TBX1: variants seen among roughly 807,000 people sequenced by gnomAD.
TBX1 encodes the protein T-box transcription factor 1, also known as T-box transcription factor TBX1.
A neutral mutation model predicts 40.8 loss-of-function variants in TBX1; 16 were observed. That is an observed-to-expected ratio of 0.39 (90% CI 0.27 to 0.60). The LOEUF (loss-of-function observed/expected upper bound fraction) is 0.60, where lower values mean the gene tolerates loss of function less well. Ranked by LOEUF, TBX1 falls within the 20% of genes least tolerant of loss-of-function variation. TBX1 has a pLI of 0.51. For synonymous variants in TBX1, 403 were observed against 336.8 expected, an observed-to-expected ratio of 1.20 and a Z score of -2.15; for missense variants, 755 against 728.5, an observed-to-expected ratio of 1.04 and a Z score of -0.42.
intron 8 of TBX1, among the ~76,000 whole-genome samples, chr22:19,772,831 C>G (rs1327423924): frequency 6.6e-6 from 1 of 152,230 alleles, no homozygotes; most frequent in African/African-American, 2.4e-5. Flanking sequence ...AGTACGTCTT[C>G]CCAGGGCAGG....
rs143602782 is a variant in TBX1 at position 19,761,166 on chromosome 22, C to A, written c.323C>A (p.Ala108Glu). The A allele has an allele frequency of 2.6e-6, 4 of 1,520,956 alleles. No individual in the cohort carries two copies. Among genetic ancestry groups the A allele is most frequent in the Non-Finnish European group, 3.5e-6 (4 of 1,130,628 alleles). The allele number at this position is 1,520,956 out of a possible 1,614,324, so 94.2% of individuals were successfully genotyped here. A position where few individuals can be genotyped will look rare whatever the true frequency, so the allele number is the denominator to read the frequency against. The change falls in exon 1 of 7, where the codon GCG becomes GAG. Residue 108 changes from alanine (A) to glutamate (E), a missense_variant. Physicochemically the swap from Ala to Glu is moderately radical, Grantham distance 107. Around this residue, in one of 3 missense-constraint regions of TBX1, gnomAD observed 199 missense variants for 173.0 expected, o/e 1.15. Coordinates refer to ENST00000649276, the MANE Select transcript of TBX1 (RefSeq NM_001379200.1). Reference sequence around the variant, plus strand: ...GCCAGCTGCGCGGCCGCAGCCAAGGCGCCGGTGAAGAAGAACGCGAAGGTG... The same window carrying A: ...GCCAGCTGCGCGGCCGCAGCCAAGGAGCCGGTGAAGAAGAACGCGAAGGTG... ...PGASCAAAAKAPVKKNAKVAG... is the reference protein window; with the variant it reads ...PGASCAAAAKEPVKKNAKVAG...
In TBX1 at chr22:19,760,793, C is replaced by G. The variant is rs1220265307; in HGVS notation, c.-51C>G. The stretch of plus-strand genomic sequence containing the variant: ...GGCGCCCGCCACTCGGCCCGCGGCG[C>G]GGGGCAGCGCTCAGCTTGGTGGCGG... On this transcript the variant is annotated 5_prime_UTR_variant, in exon 1 of 7. Coordinates refer to ENST00000649276, the MANE Select transcript of TBX1 (RefSeq NM_001379200.1). The G allele has an allele frequency of 2.0e-6, 1 of 501,168 alleles. No homozygotes were observed. The highest frequency in any genetic ancestry group is 3.3e-5 in the African/African-American group (1 of 30,172). The allele number at this position is 501,168 out of a possible 1,614,324, so 31.0% of individuals were successfully genotyped here. A position where few individuals can be genotyped will look rare whatever the true frequency, so the allele number is the denominator to read the frequency against.
upstream of TBX1, among the ~76,000 whole-genome samples, chr22:19,760,090 G>A (rs561711850): frequency 2.0e-4 from 30 of 152,038 alleles, no homozygotes; most frequent in Admixed American, 1.7e-3. Flanking sequence ...GAAGAAGGTA[G>A]GGGAGAAACA....
chr22:19,761,932 G>C (rs1936680613), intron 1 of TBX1, among the ~76,000 whole-genome samples: 1 of 152,326 alleles, frequency 6.6e-6, no homozygotes, highest in East Asian at 1.9e-4. Context: ...GAGACAAGGG[G>C]AACAAGTTTT....
At chr22:19,777,024 T>G (rs1188777964) in intron 8 of TBX1, among the ~76,000 whole-genome samples, 1 of 152,186 alleles carries the variant, frequency 6.6e-6, no homozygotes, top group Non-Finnish European at 1.5e-5. Context: ...GGGCGCATGT[T>G]ATTGAACATT....
At chr22:19,770,724 C>G (rs1235514639), downstream of TBX1, among the ~76,000 whole-genome samples, 1 of 152,206 alleles carries the variant, frequency 6.6e-6, no homozygotes. Context: ...AGGCCCTGAT[C>G]TCCAGGTGTG....
chr22:19,759,121 A>G, upstream of TBX1, among the ~76,000 whole-genome samples: 1 of 152,032 alleles, frequency 6.6e-6, no homozygotes, highest in Non-Finnish European at 1.5e-5. Context: ...GCTGGCATAG[A>G]CACCTCTCCT....
chr22:19,760,162 A>T (rs1730730214), upstream of TBX1, among the ~76,000 whole-genome samples: 3 of 151,952 alleles, frequency 2.0e-5, no homozygotes, highest in Non-Finnish European at 2.9e-5. Flanking sequence ...CGAAGGGAAA[A>T]TTTAAGACAG....
At chr22:19,771,043 G>C (rs893655562), downstream of TBX1, among the ~76,000 whole-genome samples, 1 of 152,184 alleles carries the variant, frequency 6.6e-6, no homozygotes, top group Non-Finnish European at 1.5e-5. Context: ...TCAGCCATGG[G>C]CACGGGGACG....
chr22:19,758,376 G>A (rs1483748675), upstream of TBX1, among the ~76,000 whole-genome samples: 1 of 152,230 alleles, frequency 6.6e-6, no homozygotes, highest in Admixed American at 6.5e-5. Flanking sequence ...CAGCTGGAGA[G>A]GCCCTGTACA....
chr22:19,768,953 C>CTTTTTTTTTTTT (rs36085623), downstream of TBX1, among the ~76,000 whole-genome samples: 158 of 66,104 alleles, frequency 2.4e-3, 23 homozygotes, highest in African/African-American at 7.1e-3. Flanking sequence ...TGTTCGCATT[C>CTTTTTTTTTTTT]TTTTTTTTTT....
chr22:19,782,833 C>G (rs773638341), downstream of TBX1: 165 of 1,612,210 alleles, frequency 1.0e-4, no homozygotes, highest in Non-Finnish European at 1.3e-4. Context: ...CAAGGACAAG[C>G]CTTATTTGAT....
At chr22:19,767,474 G>T, downstream of TBX1, 2 of 833,670 alleles carry the variant, frequency 2.4e-6, no homozygotes, top group Non-Finnish European at 2.9e-6. Context: ...CGGTCCCACA[G>T]CGCCCTGTCC....
downstream of TBX1, chr22:19,782,867 T>C (rs752158873): frequency 1.2e-6 from 2 of 1,614,074 alleles, no homozygotes; most frequent in South Asian, 2.2e-5. Context: ...ACTTTGACCT[T>C]CCTCCACCCA....
chr22:19,765,298 C>T (rs1022484397), intron 4 of TBX1, among the ~76,000 whole-genome samples, 185 bp downstream of exon 4: 3 of 152,184 alleles, frequency 2.0e-5, no homozygotes, highest in Non-Finnish European at 4.4e-5. Flanking sequence ...CGAGGCTGGC[C>T]GGCCCAGCCT....
At chr22:19,761,301 G>A (rs1019504230) in intron 1 of TBX1, 21 bp downstream of exon 1, 10 of 1,529,950 alleles carry the variant, frequency 6.5e-6, no homozygotes, top group Admixed American at 3.7e-5. Context: ...CCCTCCCCAC[G>A]CCGCGACCCT....
Position 19,766,262 on chromosome 22 carries a change from T to G in TBX1, c.1037-127T>G, listed in dbSNP as rs1936838299. The G allele has an allele frequency of 2.6e-6, 3 of 1,173,158 alleles. No individual in the cohort carries two copies. In the African/African-American group the frequency reaches 4.8e-5, roughly 19 times the overall value. The allele number at this position is 1,173,158 out of a possible 1,614,324, so 72.7% of individuals were successfully genotyped here. On this transcript the variant is annotated intron_variant, in intron 6 of 6. Coordinates refer to ENST00000649276, the MANE Select transcript of TBX1 (RefSeq NM_001379200.1). Reference sequence around the variant, plus strand: ...CGGCGACTTGGGGTCTCGGGCACGCTGGCACCGACTGGTCGGGGAACACCG... The same window carrying G: ...CGGCGACTTGGGGTCTCGGGCACGCGGGCACCGACTGGTCGGGGAACACCG...
In TBX1 at chr22:19,766,848, A is replaced by G. The variant is rs1278168215; in HGVS notation, c.1496A>G (p.Tyr499Cys). Residue 499 changes from tyrosine (Y) to cysteine (C), a missense_variant, in exon 7 of 7, where the codon TAC (tyrosine) becomes TGC (cysteine). Tyr to Cys is a radical substitution (Grantham distance 194). Transcript: ENST00000649276. ...GCCGGAGCCGCGCCGCCCGGCTCCT[A>G]CGACTATTGCCCCAGATAACACGGG... ...SSAGAAPPGSYDYCPR is the reference protein window; with the variant it reads ...SSAGAAPPGSCDYCPR 6.3e-7 allele frequency: 1 copy of G among 1,578,560 alleles called. No homozygotes were observed. Among genetic ancestry groups the G allele is most frequent in the East Asian group, 2.3e-5 (1 of 42,556 alleles).
At chr22:19,774,051 G>A (rs182954160) in intron 8 of TBX1, among the ~76,000 whole-genome samples, 33 of 152,294 alleles carry the variant, frequency 2.2e-4, no homozygotes, top group African/African-American at 7.7e-4. Flanking sequence ...TTAAAGACTT[G>A]GATATCCATT....
Sources: gnomAD v4.1 joint callset for allele counts (sites outside exome capture counted in the v4.1 genomes callset) on GRCh38, gnomAD v4.1.1 for gene constraint, gnomAD v4.1.1 regional missense constraint, MANE v1.5 for transcripts, NCBI Gene and HGNC (gene_info 2026-07-23, HGNC 2026-07-21) for gene names.